Variants in LRP1B observed in about 807,000 individuals in gnomAD.
LRP1B encodes the protein LDL receptor related protein 1B, also known as low-density lipoprotein receptor-related protein 1B.
A neutral mutation model predicts 556.6 loss-of-function variants in LRP1B; 217 were observed. The ratio of observed to expected loss-of-function variants is 0.39; its 90% CI spans 0.35 to 0.44. The LOEUF (loss-of-function observed/expected upper bound fraction) is 0.44. Ranked by LOEUF, LRP1B falls within the 20% of genes least tolerant of loss-of-function variation. The probability of loss-of-function intolerance (pLI) is 1.00; values close to 1 mark genes in which losing one functional copy is unlikely to be tolerated. For missense variants in LRP1B, 5,053 were observed against 5,620.8 expected (o/e 0.90, Z 3.23); for synonymous variants, 2,047 against 1,865.8 (o/e 1.10, Z -2.50).
chr2:141,644,005 GGA>G (rs79502048), intron 2 of LRP1B, among the ~76,000 whole-genome samples: 20,136 of 58,572 alleles, frequency 0.34, 1,540 homozygotes, highest in Non-Finnish European at 0.37. Flanking sequence ...GGGAGAATGT[GGA>G]GAGTGTGTGT....
intron 1 of LRP1B, among the ~76,000 whole-genome samples, chr2:141,872,628 T>C (rs1227028524): frequency 6.6e-6 from 1 of 151,850 alleles, no homozygotes; most frequent in South Asian, 2.1e-4. Context: ...TAGTTTACTA[T>C]GTAACATGAA....
At chr2:140,670,659 AT>A (rs1375456116) in intron 41 of LRP1B, among the ~76,000 whole-genome samples, 4 of 140,788 alleles carry the variant, frequency 2.8e-5, no homozygotes, top group Non-Finnish European at 6.2e-5. Context: ...GTTATAGTTA[AT>A]CTTTTAAAAA....
At chr2:142,107,020 CAT>C (rs1222185933) in intron 1 of LRP1B, among the ~76,000 whole-genome samples, 2 of 151,914 alleles carry the variant, frequency 1.3e-5, no homozygotes, top group African/African-American at 2.4e-5. Flanking sequence ...ATATAAAATT[CAT>C]ATGTTTTTTG....
At chr2:140,980,793 CAT>C (rs1696746828) in intron 18 of LRP1B, among the ~76,000 whole-genome samples, 1 of 152,308 alleles carries the variant, frequency 6.6e-6, no homozygotes, top group South Asian at 2.1e-4. Context: ...CATGCACACA[CAT>C]GTTTAGAGCA....
chr2:141,908,277 G>A (rs928444919), intron 1 of LRP1B, among the ~76,000 whole-genome samples: 4 of 151,962 alleles, frequency 2.6e-5, no homozygotes, highest in African/African-American at 7.2e-5. Flanking sequence ...TGAACATAAT[G>A]TTCATAAGCA....
At chr2:140,449,929 A>G (rs1016078281) in intron 63 of LRP1B, among the ~76,000 whole-genome samples, 5 of 152,184 alleles carry the variant, frequency 3.3e-5, no homozygotes, top group African/African-American at 1.2e-4. Context: ...ACAAAAGGCT[A>G]TCAAGGAAAA....
intron 85 of LRP1B, among the ~76,000 whole-genome samples, chr2:140,270,821 A>G (rs1355855284): frequency 6.6e-6 from 1 of 151,994 alleles, no homozygotes; most frequent in Admixed American, 6.6e-5. Flanking sequence ...CCCACATTTC[A>G]TAAGAAAGTG....
At chr2:141,045,847 C>T (rs1442241000) in intron 11 of LRP1B, among the ~76,000 whole-genome samples, 2 of 151,968 alleles carry the variant, frequency 1.3e-5, no homozygotes, top group African/African-American at 2.4e-5. Flanking sequence ...GACAAAGATT[C>T]CAGGTGGGTG....
intron 40 of LRP1B, among the ~76,000 whole-genome samples, chr2:140,701,406 T>C (rs974625254): frequency 2.0e-5 from 3 of 152,232 alleles, no homozygotes; most frequent in Non-Finnish European, 2.9e-5. Flanking sequence ...ATCCTACTTA[T>C]GCTTTTAATT....
chr2:140,376,977 G>A (rs1444477226), intron 68 of LRP1B, among the ~76,000 whole-genome samples: 1 of 152,146 alleles, frequency 6.6e-6, no homozygotes, highest in Non-Finnish European at 1.5e-5. Flanking sequence ...CAGCGGGCGG[G>A]CATTCATGAG....
chr2:142,128,852 T>G lies in LRP1B; in HGVS notation c.82+1796A>C, dbSNP rs189604212. 3.3e-5 allele frequency among the ~76,000 whole-genome samples: 5 copies of G among 152,354 alleles called. No individual in the cohort carries two copies. In the East Asian group the frequency reaches 9.6e-4, roughly 29 times the overall value. On this transcript the variant is annotated intron_variant, in intron 1 of 90. Transcript: ENST00000389484. ...ACCAAATATAATCCTCTTAGTTATT[T>G]AATATTCTATCTCAGAAGAAAGTTG...
chr2:140,702,686 A>G, intron 37 of LRP1B, 133 bp from the exon 38 acceptor site: 1 of 783,668 alleles, frequency 1.3e-6, no homozygotes, highest in Non-Finnish European at 2.0e-6. Context: ...GGAAGTTAAT[A>G]TACAGTGTGC....
intron 6 of LRP1B, among the ~76,000 whole-genome samples, chr2:141,197,219 G>A (rs569418330): frequency 2.0e-5 from 3 of 152,128 alleles, no homozygotes; most frequent in Admixed American, 1.3e-4. Flanking sequence ...GGTTGTATTA[G>A]GGAACCTAGA....
At chr2:141,491,795 G>A (rs1683344382) in intron 2 of LRP1B, among the ~76,000 whole-genome samples, 1 of 152,094 alleles carries the variant, frequency 6.6e-6, no homozygotes, top group South Asian at 2.1e-4. Flanking sequence ...TGTGCACACA[G>A]AGATATTGCT....
At chr2:142,125,513 ACT>A (rs1349217066) in intron 1 of LRP1B, among the ~76,000 whole-genome samples, 1 of 151,748 alleles carries the variant, frequency 6.6e-6, no homozygotes, top group Non-Finnish European at 1.5e-5. Context: ...ACTTTTAAAA[ACT>A]CAAATTATTT....
intron 62 of LRP1B, among the ~76,000 whole-genome samples, chr2:140,454,357 G>T (rs542211195): frequency 6.6e-6 from 1 of 151,980 alleles, no homozygotes; most frequent in East Asian, 1.9e-4. Flanking sequence ...CACTACGTTG[G>T]CCAGGCGGCT....
rs536088201 is a variant in LRP1B, at chr2:141,286,335, C to G, written c.344-31694G>C. Reference sequence around the variant, plus strand: ...TTTTATTATAATGTGTTACCTTCCTCTGTATTAAAAGATTTGGCTTGCTAA... The same window carrying G: ...TTTTATTATAATGTGTTACCTTCCTGTGTATTAAAAGATTTGGCTTGCTAA... On this transcript the variant is annotated intron_variant, in intron 3 of 90. Transcript: ENST00000389484. Among the ~76,000 whole-genome samples, 12 of 152,164 alleles carry G rather than the reference C, an allele frequency of 7.9e-5. No individual in the cohort carries two copies. The South Asian group carries it at 1.7e-3, about 21-fold the overall frequency.
rs1046389211 is a variant in LRP1B, at chr2:140,238,382, C to T, written c.13416-86G>A. 5 of 660,818 alleles carry T rather than the reference C, an allele frequency of 7.6e-6. 1 individual carries two copies. The allele number at this position is 660,818 out of a possible 1,614,324, so 40.9% of individuals were successfully genotyped here. On this transcript the variant is annotated intron_variant, in intron 88 of 90. Coordinates refer to ENST00000389484, the MANE Select transcript of LRP1B (RefSeq NM_018557.3). ...GAAATTATATTTATAGATTTACTGACTTATTTTGAAATAAATTGAATAAAT... is the reference window on the plus strand; with the variant it reads ...GAAATTATATTTATAGATTTACTGATTTATTTTGAAATAAATTGAATAAAT...
At chr2:140,633,828 G>A (rs1274021591) in intron 41 of LRP1B, among the ~76,000 whole-genome samples, 1 of 152,134 alleles carries the variant, frequency 6.6e-6, no homozygotes, top group African/African-American at 2.4e-5. Context: ...GAGAAAGAAA[G>A]CACCAGATCC....
Sources: allele counts gnomAD v4.1 joint callset (sites outside exome capture counted in the v4.1 genomes callset), GRCh38; gene constraint gnomAD v4.1.1; transcripts MANE v1.5; gene names NCBI Gene and HGNC (gene_info 2026-07-23, HGNC 2026-07-21).